The following PTPRK variants were observed in gnomAD, a reference collection of about 807,000 sequenced individuals.
PTPRK encodes protein tyrosine phosphatase receptor type K, also known as receptor-type tyrosine-protein phosphatase kappa.
A neutral mutation model predicts 178.0 loss-of-function variants in PTPRK; 75 were observed. That is an observed-to-expected ratio of 0.42 (90% CI 0.35 to 0.51). The LOEUF is 0.51. PTPRK is among the 20% of genes least tolerant of loss of function. The pLI is 0.02. For missense variants in PTPRK, 1,441 were observed against 1,797.8 expected (o/e 0.80, Z 3.59); for synonymous variants, 637 against 620.6 (o/e 1.03, Z -0.39).
chr6:128,364,625 T>C (rs1242944234), intron 2 of PTPRK, among the ~76,000 whole-genome samples: 2 of 151,956 alleles, frequency 1.3e-5, no homozygotes, highest in African/African-American at 4.8e-5. Flanking sequence ...TCCAAACAAA[T>C]TAAACAGACA....
intron 6 of PTPRK, among the ~76,000 whole-genome samples, chr6:128,188,981 C>G (rs1228030773): frequency 6.6e-6 from 1 of 152,094 alleles, no homozygotes; most frequent in Non-Finnish European, 1.5e-5. Flanking sequence ...CTGCAAACAT[C>G]ATTTTTCCAT....
intron 3 of PTPRK, among the ~76,000 whole-genome samples, chr6:128,247,137 T>C (rs891801218): frequency 2.0e-5 from 3 of 152,144 alleles, no homozygotes; most frequent in African/African-American, 7.2e-5. Context: ...TTTCCGTACA[T>C]CACGGGTTTC....
intron 6 of PTPRK, among the ~76,000 whole-genome samples, chr6:128,193,279 TGAA>T (rs1214361400): frequency 3.1e-4 from 6 of 19,396 alleles, no homozygotes; most frequent in East Asian, 1.4e-3. Context: ...ATCCAGCTTG[TGAA>T]AAAAAAAAAA....
At chr6:128,230,751 G>A (rs969454536) in intron 5 of PTPRK, 5 of 152,110 alleles carry the variant, frequency 3.3e-5, no homozygotes, top group African/African-American at 1.2e-4. Flanking sequence ...CACTGAAGGG[G>A]CAGCTCTGCA....
chr6:128,013,535 A>G (rs1779276565), intron 13 of PTPRK, among the ~76,000 whole-genome samples: 1 of 151,428 alleles, frequency 6.6e-6, no homozygotes, highest in African/African-American at 2.4e-5. Context: ...ATCCCCTTTC[A>G]GTAAATGGCA....
intron 21 of PTPRK, among the ~76,000 whole-genome samples, chr6:127,989,457 C>A (rs1158601743): frequency 6.6e-6 from 1 of 151,814 alleles, no homozygotes; most frequent in Non-Finnish European, 1.5e-5. Context: ...AAATACTATG[C>A]AATTATTTCT....
chr6:128,133,365 A>G (rs949073923), intron 7 of PTPRK, among the ~76,000 whole-genome samples: 1 of 152,146 alleles, frequency 6.6e-6, no homozygotes, highest in African/African-American at 2.4e-5. Context: ...TAAATGATGA[A>G]ATAAATTTGA....
chr6:128,160,042 A>G (rs1583273813), intron 7 of PTPRK, among the ~76,000 whole-genome samples: 1 of 151,858 alleles, frequency 6.6e-6, no homozygotes, highest in Non-Finnish European at 1.5e-5. Context: ...ATTCTTCTTC[A>G]AAATTATTCT....
intron 1 of PTPRK, among the ~76,000 whole-genome samples, chr6:128,422,840 A>G (rs1168604122): frequency 1.3e-5 from 2 of 152,140 alleles, no homozygotes; most frequent in East Asian, 1.9e-4. Flanking sequence ...TTCATTCCCT[A>G]GTCTATGTGG....
chr6:128,461,553 T>C (rs779339526), intron 1 of PTPRK, among the ~76,000 whole-genome samples: 41 of 152,312 alleles, frequency 2.7e-4, no homozygotes, highest in Non-Finnish European at 4.3e-4. Context: ...ACTTAAATTC[T>C]AGCAAAGTTG....
chr6:128,496,219 A>C lies in PTPRK; in HGVS notation c.100+24040T>G, dbSNP rs140405772. ...TGTCTTTCAAAATCTCAAGAAAAAAAGCAAACTTGATGAGGAAGCCCATCT... is the reference window on the plus strand; with the variant it reads ...TGTCTTTCAAAATCTCAAGAAAAAACGCAAACTTGATGAGGAAGCCCATCT... On this transcript the variant is annotated intron_variant, in intron 1 of 29. Transcript: ENST00000368226. 3.0e-3 allele frequency among the ~76,000 whole-genome samples: 455 copies of C among 152,310 alleles called. 2 individuals are homozygous for C. Among genetic ancestry groups the C allele is most frequent in the South Asian group, 0.014 (68 of 4,824 alleles).
chr6:128,338,728 A>G (rs755322526), intron 2 of PTPRK, among the ~76,000 whole-genome samples: 5 of 152,128 alleles, frequency 3.3e-5, no homozygotes, highest in Non-Finnish European at 5.9e-5. Context: ...TTCCTAATCA[A>G]TGTTCTTATA....
intron 7 of PTPRK, among the ~76,000 whole-genome samples, chr6:128,106,436 G>GA (rs984804258): frequency 1.3e-4 from 19 of 151,456 alleles, no homozygotes; most frequent in African/African-American, 4.4e-4. Context: ...ATAATTTTGG[G>GA]AAAAAAGCAT....
At chr6:128,259,936 C>T (rs577465743) in intron 3 of PTPRK, among the ~76,000 whole-genome samples, 1 of 152,118 alleles carries the variant, frequency 6.6e-6, no homozygotes, top group Non-Finnish European at 1.5e-5. Context: ...AAACGTACAA[C>T]ATGGACGTAA....
intron 13 of PTPRK, among the ~76,000 whole-genome samples, chr6:128,054,646 CT>C (rs61317268): frequency 0.036 from 5,477 of 152,288 alleles, 314 homozygotes; most frequent in African/African-American, 0.13. Context: ...GCTCACTACA[CT>C]TTTCCAGCCA....
intron 1 of PTPRK, among the ~76,000 whole-genome samples, chr6:128,453,676 T>A (rs988153813): frequency 2.0e-5 from 3 of 152,164 alleles, no homozygotes; most frequent in African/African-American, 7.2e-5. Context: ...ATAAATAATG[T>A]GGCAAAAACA....
In PTPRK at chr6:128,241,174, GTA is replaced by G. The variant is rs147625631; in HGVS notation, c.578-1026_578-1025del. 478 of 518,390 alleles carry G rather than the reference GTA, an allele frequency of 9.2e-4. 1 individual carries two copies. The highest frequency in any genetic ancestry group is 8.4e-3 in the African/African-American group (432 of 51,162). The allele number at this position is 518,390 out of a possible 1,614,324, so 32.1% of individuals were successfully genotyped here. On this transcript the variant is annotated intron_variant, in intron 4 of 29. Transcript: ENST00000368226. ...CTTAGAATTTACCAACCACCACGTGGTATATATAATCTGACCCTTACTGGCTA... is the reference window on the plus strand; with the variant it reads ...CTTAGAATTTACCAACCACCACGTGGTATATAATCTGACCCTTACTGGCTA...
At chr6:128,050,199 T>C (rs780473144) in intron 13 of PTPRK, among the ~76,000 whole-genome samples, 2 of 152,072 alleles carry the variant, frequency 1.3e-5, no homozygotes, top group African/African-American at 2.4e-5. Context: ...ATTTTTTCAG[T>C]AGAGAGAACT....
At chr6:128,018,070 C>T (rs1779818703) in intron 13 of PTPRK, among the ~76,000 whole-genome samples, 1 of 151,504 alleles carries the variant, frequency 6.6e-6, no homozygotes, top group Admixed American at 6.6e-5. Flanking sequence ...TTTCCCATAA[C>T]CCAAATAAAA....
Sources: gnomAD v4.1 joint callset for allele counts (sites outside exome capture counted in the v4.1 genomes callset) on GRCh38, gnomAD v4.1.1 for gene constraint, MANE v1.5 for transcripts, NCBI Gene and HGNC (gene_info 2026-07-23, HGNC 2026-07-21) for gene names.